Variants in OLFML2B observed in about 807,000 individuals in gnomAD.
The protein encoded by OLFML2B is olfactomedin like 2B.
OLFML2B carries 57 observed loss-of-function variants against 74.9 expected under a neutral mutation model. The ratio of observed to expected loss-of-function variants is 0.76; its 90% CI spans 0.61 to 0.95. The LOEUF is 0.95. OLFML2B is among the 40% of genes least tolerant of loss of function. The pLI, the probability that OLFML2B is intolerant of heterozygous loss-of-function variation, is 0.00. For synonymous variants in OLFML2B, 388 were observed against 405.8 expected (o/e 0.96, Z 0.53); for missense variants, 986 against 970.6 (o/e 1.02, Z -0.21).
At chr1:161,995,128 C>A (rs1290971221) in intron 6 of OLFML2B, among the ~76,000 whole-genome samples, 2 of 152,202 alleles carry the variant, frequency 1.3e-5, no homozygotes, top group Admixed American at 1.3e-4. Context: ...CTCATCCACA[C>A]CAACAGCAGC....
intron 5 of OLFML2B, among the ~76,000 whole-genome samples, chr1:161,999,901 C>T (rs1280064695): frequency 2.0e-5 from 3 of 152,214 alleles, no homozygotes; most frequent in Non-Finnish European, 4.4e-5. Flanking sequence ...ATATGGTCTT[C>T]TGCAAGCTCA....
chr1:161,994,567 G>A (rs1395438769), intron 6 of OLFML2B, among the ~76,000 whole-genome samples: 1 of 152,198 alleles, frequency 6.6e-6, no homozygotes, highest in Non-Finnish European at 1.5e-5. Context: ...GGAATCTGCA[G>A]AGCCTTGGCC....
Position 161,997,988 on chromosome 1 carries a change from C to T in OLFML2B, c.1311G>A (p.Val437=). The stretch of plus-strand genomic sequence containing the variant: ...CTTCCATCAATGCCTCCCTGGGAGA[C>T]ACTGCCGGAGGAGCTGGGGCTGCTG... ...QQPAAPAPPA[V]SPREALMEAM... The change falls in exon 6 of 8, where the codon GTG becomes GTA. Residue 437 remains valine (V), a synonymous_variant. Coordinates refer to ENST00000294794, the MANE Select transcript of OLFML2B (RefSeq NM_015441.3). The T allele has an allele frequency of 6.2e-7, 1 of 1,614,208 alleles. No homozygotes were observed. The highest frequency in any genetic ancestry group is 8.5e-7 in the Non-Finnish European group (1 of 1,180,036).
chr1:162,008,808 G>C lies in OLFML2B; in HGVS notation c.547-2335C>G, dbSNP rs142437198. Among the ~76,000 whole-genome samples, 101 of 152,314 alleles carry C rather than the reference G, an allele frequency of 6.6e-4. 1 individual carries two copies. The highest frequency in any genetic ancestry group is 2.4e-3 in the African/African-American group (99 of 41,574). On this transcript the variant is annotated intron_variant, in intron 3 of 7. Coordinates refer to ENST00000294794, the MANE Select transcript of OLFML2B (RefSeq NM_015441.3). ...CTAAGTGGAGAAAGCTTGGGGCACA[G>C]CTGCTTGAAAAACGGACAGAAATGT...
intron 6 of OLFML2B, among the ~76,000 whole-genome samples, chr1:161,989,048 T>A (rs996002678): frequency 6.6e-6 from 1 of 152,130 alleles, no homozygotes; most frequent in Non-Finnish European, 1.5e-5. Context: ...ATCCTCCACC[T>A]CTATGGCGTA....
At chr1:161,998,495 T>C (rs1394693547) in intron 5 of OLFML2B, 146 bp from the exon 6 acceptor site, 2 of 820,520 alleles carry the variant, frequency 2.4e-6, no homozygotes, top group Non-Finnish European at 3.8e-6. Flanking sequence ...GCTGGGATTT[T>C]GGAAGAAGGT....
chr1:161,996,919 A>AGGCCGAGGTGGGGGG (rs1293415944), intron 6 of OLFML2B, among the ~76,000 whole-genome samples: 2 of 152,204 alleles, frequency 1.3e-5, no homozygotes, highest in Non-Finnish European at 2.9e-5. Flanking sequence ...ACACTTTGGG[A>AGGCCGAGGTGGGGGG]GGCCGAGGTG....
rs569565241 is a variant in OLFML2B at position 161,999,039 on chromosome 1, T to G, written c.950-690A>C. On this transcript the variant is annotated intron_variant, in intron 5 of 7. Coordinates refer to ENST00000294794, the MANE Select transcript of OLFML2B (RefSeq NM_015441.3). ...GGAGCAGCGAGGTGGCCAGCATGAC[T>G]GAAGCAGAGGCAAGGTCACAGTGAG... Among the ~76,000 whole-genome samples the G allele has an allele frequency of 1.2e-4, 18 of 152,260 alleles. No homozygotes were observed. The East Asian group carries it at 2.3e-3, about 20-fold the overall frequency.
intron 2 of OLFML2B, among the ~76,000 whole-genome samples, chr1:162,018,359 A>T (rs773980385): frequency 2.3e-4 from 35 of 152,240 alleles, no homozygotes; most frequent in Middle Eastern, 3.4e-3. Context: ...TAGCTGGCTC[A>T]TAACAGGTAT....
At chr1:161,997,111 T>C (rs1689932785) in intron 6 of OLFML2B, among the ~76,000 whole-genome samples, 1 of 151,992 alleles carries the variant, frequency 6.6e-6, no homozygotes, top group Admixed American at 6.5e-5. Flanking sequence ...GAGCCAAGAT[T>C]GCACCACTGC....
intron 6 of OLFML2B, among the ~76,000 whole-genome samples, chr1:161,990,539 ATACTTTATTACTAAAAAATAC>A (rs1689707282): frequency 1.3e-5 from 2 of 151,660 alleles, no homozygotes; most frequent in South Asian, 4.1e-4. Context: ...TAATTTAAAA[ATACTTTATTACTAAAAAATAC>A]TAATGATCAT....
At chr1:162,008,699 A>T (rs1265460596) in intron 3 of OLFML2B, among the ~76,000 whole-genome samples, 1 of 152,202 alleles carries the variant, frequency 6.6e-6, no homozygotes, top group East Asian at 1.9e-4. Context: ...TCCCAGGCCC[A>T]CTCAGACCTG....
chr1:162,019,958 C>T lies in OLFML2B; in HGVS notation c.399G>A (p.Arg133=), dbSNP rs1690648421. The T allele has an allele frequency of 1.2e-6, 2 of 1,614,096 alleles. No homozygotes were observed. The highest frequency in any genetic ancestry group is 2.7e-5 in the African/African-American group (2 of 74,924). Residue 133 remains arginine, a synonymous_variant, in exon 2 of 8, where the codon AGG becomes AGA. Transcript: ENST00000294794. ...SALNPCEGDF[R]LQKLREADSQ... is the part of the protein sequence containing the mutation. The stretch of plus-strand genomic sequence containing the variant: ...TGTCTGCCTCCCGCAGCTTCTGGAG[C>T]CTGAAGTCTCCCTCGCAGGGATTGA...
intron 2 of OLFML2B, among the ~76,000 whole-genome samples, 184 bp from the exon 3 acceptor site, chr1:162,017,691 T>A (rs932808772): frequency 3.3e-5 from 5 of 152,272 alleles, no homozygotes; most frequent in African/African-American, 1.2e-4. Context: ...ATGTGCATTC[T>A]GCCTTCCGAA....
intron 7 of OLFML2B, 27 bp downstream of exon 7, chr1:161,984,777 A>C: frequency 1.2e-6 from 2 of 1,606,772 alleles, no homozygotes; most frequent in East Asian, 4.5e-5. Flanking sequence ...GGGAAGGAGC[A>C]GTCTGGGTTG....
chr1:162,007,019 A>T (rs182247641), intron 3 of OLFML2B, among the ~76,000 whole-genome samples: 76 of 152,372 alleles, frequency 5.0e-4, no homozygotes, highest in African/African-American at 1.8e-3. Context: ...ATTTACATAG[A>T]AAATTGATAG....
chr1:162,014,371 GAA>G (rs2101976017), intron 3 of OLFML2B, among the ~76,000 whole-genome samples: 1 of 152,288 alleles, frequency 6.6e-6, no homozygotes, highest in East Asian at 1.9e-4. Flanking sequence ...ATCTGCAAAT[GAA>G]GTTTCCATTC....
At chr1:162,017,563 A>G in intron 2 of OLFML2B, 56 bp from the exon 3 acceptor site, 1 of 1,344,658 alleles carries the variant, frequency 7.4e-7, no homozygotes, top group East Asian at 2.4e-5. Context: ...CACAGGGCAG[A>G]GTTTCCTTTC....
intron 4 of OLFML2B, among the ~76,000 whole-genome samples, chr1:162,004,573 C>T (rs1421946826): frequency 6.6e-6 from 1 of 152,144 alleles, no homozygotes. Flanking sequence ...TGCCTGCAGT[C>T]CTGCCTTTGG....
Sources: allele counts gnomAD v4.1 joint callset (sites outside exome capture counted in the v4.1 genomes callset), GRCh38; gene constraint gnomAD v4.1.1; transcripts MANE v1.5; gene names NCBI Gene and HGNC (gene_info 2026-07-23, HGNC 2026-07-21).